The following POU6F2 variants were observed in gnomAD, a reference collection of about 807,000 sequenced individuals.
The protein encoded by POU6F2 is POU domain, class 6, transcription factor 2.
In POU6F2, 31 loss-of-function variants were observed where a neutral mutation model predicts 71.3. The ratio of observed to expected loss-of-function variants is 0.43; its 90% CI spans 0.33 to 0.59. POU6F2 has a LOEUF of 0.59. Ranked by LOEUF, POU6F2 falls within the 20% of genes least tolerant of loss-of-function variation. The pLI is 0.04. For missense variants in POU6F2, 783 were observed against 856.8 expected, an observed-to-expected ratio of 0.91 and a Z score of 1.07; for synonymous variants, 347 against 355.7, an observed-to-expected ratio of 0.98 and a Z score of 0.27.
chr7:39,271,843 A>G (rs1443226709), intron 4 of POU6F2, among the ~76,000 whole-genome samples: 1 of 152,246 alleles, frequency 6.6e-6, no homozygotes, highest in Non-Finnish European at 1.5e-5. Context: ...AACTATAAAA[A>G]AAAAATCCTG....
chr7:39,244,510 G>A (rs2128751802), intron 4 of POU6F2, among the ~76,000 whole-genome samples: 1 of 152,300 alleles, frequency 6.6e-6, no homozygotes, highest in East Asian at 1.9e-4. Context: ...CAATGTATGA[G>A]AAATAGCTGG....
At chr7:39,126,536 G>A (rs1246225483) in intron 2 of POU6F2, among the ~76,000 whole-genome samples, 2 of 152,152 alleles carry the variant, frequency 1.3e-5, no homozygotes, top group African/African-American at 4.8e-5. Context: ...TCTAGAAATG[G>A]CTGCATGAAC....
intron 2 of POU6F2, among the ~76,000 whole-genome samples, chr7:39,199,227 C>T (rs564390290): frequency 7.2e-5 from 11 of 152,292 alleles, no homozygotes; most frequent in African/African-American, 2.6e-4. Context: ...ATGAGCAATT[C>T]GTATTTGCAG....
At chr7:39,202,663 C>A (rs1057150930) in intron 2 of POU6F2, among the ~76,000 whole-genome samples, 1 of 152,088 alleles carries the variant, frequency 6.6e-6, no homozygotes, top group Admixed American at 6.5e-5. Flanking sequence ...CTTCAAATGC[C>A]GTGCTTTTAA....
chr7:39,387,119 G>T (rs532567101), intron 5 of POU6F2, among the ~76,000 whole-genome samples: 1 of 152,282 alleles, frequency 6.6e-6, no homozygotes, highest in East Asian at 1.9e-4. Flanking sequence ...GACCCAACCC[G>T]CTCATCCCCA....
intron 1 of POU6F2, chr7:39,034,503 CT>C: frequency 2.3e-6 from 1 of 431,102 alleles, no homozygotes; most frequent in South Asian, 1.6e-5. Flanking sequence ...TAAGTAGCTC[CT>C]GTCTCTTGAT....
chr7:39,125,618 C>CA (rs1364442134), intron 2 of POU6F2, among the ~76,000 whole-genome samples: 25 of 151,614 alleles, frequency 1.6e-4, no homozygotes, highest in African/African-American at 5.3e-4. Context: ...AGGCCAGCTT[C>CA]AAAAAAGAGA....
At chr7:39,386,943 T>A (rs1172798942) in intron 5 of POU6F2, among the ~76,000 whole-genome samples, 1 of 152,170 alleles carries the variant, frequency 6.6e-6, no homozygotes, top group African/African-American at 2.4e-5. Flanking sequence ...GCTCATGACA[T>A]CAACCCTGAA....
At chr7:39,196,251 T>G (rs1369781574) in intron 2 of POU6F2, among the ~76,000 whole-genome samples, 1 of 152,174 alleles carries the variant, frequency 6.6e-6, no homozygotes, top group Non-Finnish European at 1.5e-5. Context: ...CTTCCTTTTT[T>G]GAAGAATTCA....
intron 4 of POU6F2, among the ~76,000 whole-genome samples, chr7:39,305,601 A>G (rs1785033136): frequency 6.6e-6 from 1 of 152,224 alleles, no homozygotes; most frequent in African/African-American, 2.4e-5. Flanking sequence ...TATAGTCCTC[A>G]GCGTTAAAAT....
At chr7:39,351,229 T>C (rs970696477) in intron 5 of POU6F2, among the ~76,000 whole-genome samples, 5 of 152,238 alleles carry the variant, frequency 3.3e-5, no homozygotes, top group African/African-American at 7.2e-5. Flanking sequence ...ATTGATTGCA[T>C]GAGTCAGCAC....
intron 5 of POU6F2, among the ~76,000 whole-genome samples, chr7:39,360,125 G>A (rs1786346995): frequency 1.3e-5 from 2 of 152,152 alleles, no homozygotes; most frequent in South Asian, 4.1e-4. Flanking sequence ...AAGTATTCAG[G>A]TACTTTTCAA....
intron 2 of POU6F2, among the ~76,000 whole-genome samples, chr7:39,181,968 T>G (rs973500983): frequency 6.6e-5 from 10 of 152,204 alleles, no homozygotes; most frequent in African/African-American, 2.4e-4. Context: ...CCTTTCTCTC[T>G]TAACTACCTC....
chr7:39,015,109 G>T (rs1177488034), intron 1 of POU6F2, among the ~76,000 whole-genome samples: 1 of 150,766 alleles, frequency 6.6e-6, no homozygotes, highest in Admixed American at 6.7e-5. Flanking sequence ...TGTTTTGTTC[G>T]GGAGCAGAAT....
intron 4 of POU6F2, among the ~76,000 whole-genome samples, chr7:39,337,405 A>T (rs1190994722): frequency 6.6e-6 from 1 of 152,218 alleles, no homozygotes; most frequent in African/African-American, 2.4e-5. Flanking sequence ...CAGAGAGGAA[A>T]CCATCATAAA....
At chr7:39,311,441 A>T (rs1785163431) in intron 4 of POU6F2, among the ~76,000 whole-genome samples, 1 of 152,166 alleles carries the variant, frequency 6.6e-6, no homozygotes, top group African/African-American at 2.4e-5. Context: ...TATGAAGCTC[A>T]TTATTTACTT....
At chr7:39,450,940 T>C (rs1788646264) in intron 7 of POU6F2, among the ~76,000 whole-genome samples, 1 of 152,158 alleles carries the variant, frequency 6.6e-6, no homozygotes, top group South Asian at 2.1e-4. Flanking sequence ...CTACGGGATA[T>C]TTTTGTTCTG....
At chr7:39,061,088 G>A (rs1454290543) in intron 1 of POU6F2, among the ~76,000 whole-genome samples, 1 of 152,002 alleles carries the variant, frequency 6.6e-6, no homozygotes, top group Admixed American at 6.6e-5. Context: ...ATAAACTCAT[G>A]TGTTAACATA....
At chr7:39,349,056 C>T (rs1786085532) in intron 5 of POU6F2, among the ~76,000 whole-genome samples, 1 of 152,166 alleles carries the variant, frequency 6.6e-6, no homozygotes, top group African/African-American at 2.4e-5. Context: ...CTAAAATAAC[C>T]TCCATTTCCT....
Sources: gnomAD v4.1 joint callset for allele counts (sites outside exome capture counted in the v4.1 genomes callset) on GRCh38, gnomAD v4.1.1 for gene constraint, MANE v1.5 for transcripts, NCBI Gene and HGNC (gene_info 2026-07-23, HGNC 2026-07-21) for gene names.